ABCA13: variants seen among roughly 807,000 people sequenced by gnomAD.
The protein encoded by ABCA13 is ATP binding cassette subfamily A member 13, also known as ATP-binding cassette sub-family A member 13.
A neutral mutation model predicts 478.7 loss-of-function variants in ABCA13; 476 were observed. That is an observed-to-expected ratio of 0.99 (90% CI 0.92 to 1.07). The LOEUF is 1.07. Among genes scored for constraint, ABCA13 ranks in the 50% least tolerant of loss-of-function variants. The pLI, the probability that ABCA13 is intolerant of heterozygous loss-of-function variation, is 0.00. For missense variants in ABCA13, 6,060 were observed against 5,910.6 expected (o/e 1.03, Z -0.83); for synonymous variants, 2,252 against 2,158.9 (o/e 1.04, Z -1.20).
rs376478345 is a variant in ABCA13, at chr7:48,365,256, G to T, written c.10689-2538G>T. 2.7e-5 allele frequency among the ~76,000 whole-genome samples: 4 copies of T among 150,828 alleles called. No homozygotes were observed. The East Asian group carries it at 6.0e-4, about 23-fold the overall frequency. ...CAGATCTTTTGCCTATGTTTTAATT[G>T]GATTATGTGGGTTTCTTGCTATTGT... On this transcript the variant is annotated intron_variant, in intron 31 of 61. Transcript: ENST00000435803.
intron 24 of ABCA13, 30 bp from the exon 25 acceptor site, chr7:48,313,037 A>G (rs761863873): frequency 1.3e-6 from 2 of 1,519,650 alleles, no homozygotes; most frequent in Admixed American, 2.2e-5. Context: ...TGGTTATTTC[A>G]TGTTGTTTTG....
chr7:48,643,432 TAA>T, intron 60 of ABCA13, 39 bp downstream of exon 60: 1 of 1,400,806 alleles, frequency 7.1e-7, no homozygotes, highest in Non-Finnish European at 9.9e-7. Flanking sequence ...TGTTTTCAGC[TAA>T]AAAAAAATAA....
intron 5 of ABCA13, 99 bp downstream of exon 5, chr7:48,221,408 A>G: frequency 1.6e-6 from 1 of 621,422 alleles, no homozygotes. Flanking sequence ...GATTATTTCT[A>G]ATGACTTGTA....
At chr7:48,377,632 C>G (rs961928498) in intron 35 of ABCA13, among the ~76,000 whole-genome samples, 1 of 152,018 alleles carries the variant, frequency 6.6e-6, no homozygotes. Flanking sequence ...ATATGGCCCT[C>G]AAGAGGTAGA....
At chr7:48,181,929 C>A (rs896656585) in intron 1 of ABCA13, among the ~76,000 whole-genome samples, 10 of 152,096 alleles carry the variant, frequency 6.6e-5, no homozygotes, top group African/African-American at 2.4e-4. Context: ...TAAATGCGAA[C>A]TTGGGTTGAG....
intron 48 of ABCA13, among the ~76,000 whole-genome samples, chr7:48,490,702 G>A (rs1424900478): frequency 1.3e-5 from 2 of 152,224 alleles, no homozygotes; most frequent in Non-Finnish European, 2.9e-5. Flanking sequence ...AAAGCTGAAT[G>A]TAGAGGGATA....
intron 23 of ABCA13, among the ~76,000 whole-genome samples, chr7:48,301,249 G>A (rs1005022015): frequency 6.6e-6 from 1 of 151,962 alleles, no homozygotes; most frequent in Admixed American, 6.5e-5. Context: ...TTTTCTTTCT[G>A]TTTCTTTTGA....
intron 41 of ABCA13, among the ~76,000 whole-genome samples, chr7:48,419,743 G>C (rs543500839): frequency 1.3e-5 from 2 of 152,168 alleles, no homozygotes; most frequent in East Asian, 3.9e-4. Flanking sequence ...GCACATAATA[G>C]GTCTTAAATA....
chr7:48,372,287 C>T lies in ABCA13; in HGVS notation c.10923C>T (p.Ile3641=). The change falls in exon 33 of 62, where the codon ATC becomes ATT. Residue 3641 remains isoleucine, a synonymous_variant. Transcript: ENST00000435803. ...TLAIVLKTSG[I]FAHSNTFIVF... ...CCATCGTTCTGAAAACAAGTGGCAT[C>T]TTTGCACACAGCAATACCTTTATTG... is the stretch of plus-strand genomic sequence containing the variant. 1.9e-6 allele frequency: 3 copies of T among 1,613,944 alleles called. No individual in the cohort carries two copies. The highest frequency in any genetic ancestry group is 2.5e-6 in the Non-Finnish European group (3 of 1,179,828).
rs918096356 is a variant in ABCA13, at chr7:48,273,607, C to G, written c.3941C>G (p.Thr1314Arg). ...AATGACTTTCTTTCAAATAATCTCA[C>G]AAATTATGGAGAAAAATTTGAAAAT... The part of the protein sequence containing the change: ...SINDFLSNNL[T>R]NYGEKFENII... Residue 1314 changes from threonine (T) to arginine (R), a missense_variant, in exon 17 of 62, where the codon ACA becomes AGA. Physicochemically the swap from Thr to Arg is moderately conservative, Grantham distance 71. Coordinates refer to ENST00000435803, the MANE Select transcript of ABCA13 (RefSeq NM_152701.5). 8 of 1,596,340 alleles carry G rather than the reference C, an allele frequency of 5.0e-6. No individual in the cohort carries two copies. Among genetic ancestry groups the G allele is most frequent in the African/African-American group, 1.3e-5 (1 of 74,612 alleles).
rs377100313 is a variant in ABCA13 at position 48,274,379 on chromosome 7, T to G, written c.4713T>G (p.Ser1571=). ...IYFNILENNS[S]SKTENLLNIF... is the part of the protein sequence containing the mutation. Reference sequence around the variant, plus strand: ...TTAACATCCTGGAAAATAATTCCTCTTCTAAAACTGAAAACTTGTTAAACA... The same window carrying G: ...TTAACATCCTGGAAAATAATTCCTCGTCTAAAACTGAAAACTTGTTAAACA... The change falls in exon 17 of 62, where the codon TCT becomes TCG. Residue 1571 remains serine (S), a synonymous_variant. Transcript: ENST00000435803. 1 of 1,613,060 alleles carries G rather than the reference T, an allele frequency of 6.2e-7. No homozygotes were observed.
Position 48,274,500 on chromosome 7 carries a change from C to T in ABCA13, c.4834C>T (p.Leu1612Phe). ...SYLAFSLSHD[L>F]QNSPKIIISP... Reference sequence around the variant, plus strand: ...CCTTGCCTTCAGCTTATCTCATGACCTCCAAAATTCACCAAAAATAATAAT... The same window carrying T: ...CCTTGCCTTCAGCTTATCTCATGACTTCCAAAATTCACCAAAAATAATAAT... The change falls in exon 17 of 62, where the codon CTC becomes TTC. Residue 1612 changes from leucine to phenylalanine, a missense_variant. Physicochemically the swap from Leu to Phe is conservative, Grantham distance 22 (BLOSUM62 0). Around this residue, in one of 3 missense-constraint regions of ABCA13, gnomAD observed 4,423 missense variants for 4,309.1 expected, o/e 1.03. Coordinates refer to ENST00000435803, the MANE Select transcript of ABCA13 (RefSeq NM_152701.5). The T allele has an allele frequency of 6.2e-7, 1 of 1,613,788 alleles. No homozygotes were observed. Among genetic ancestry groups the T allele is most frequent in the Non-Finnish European group, 8.5e-7 (1 of 1,179,826 alleles).
In ABCA13 at chr7:48,185,099, C is replaced by A. The variant is rs142088633; in HGVS notation, c.70-7860C>A. On this transcript the variant is annotated intron_variant, in intron 1 of 61. Transcript: ENST00000435803. ...TTTAGAGTTTTTTATATGATGATGA[C>A]AAAGACCTAATCTATCCCTGCCTCC... is the stretch of plus-strand genomic sequence containing the variant. Among the ~76,000 whole-genome samples, 25 of 152,216 alleles carry A rather than the reference C, an allele frequency of 1.6e-4. No individual in the cohort carries two copies. In the East Asian group the frequency reaches 4.1e-3, roughly 25 times the overall value.
At chr7:48,337,674 T>C (rs964055698) in intron 28 of ABCA13, among the ~76,000 whole-genome samples, 6 of 152,212 alleles carry the variant, frequency 3.9e-5, no homozygotes, top group African/African-American at 1.4e-4. Context: ...CCTGGATACA[T>C]CAGTATCTTT....
At chr7:48,605,138 G>C (rs1017849049) in intron 58 of ABCA13, among the ~76,000 whole-genome samples, 1 of 151,932 alleles carries the variant, frequency 6.6e-6, no homozygotes, top group Non-Finnish European at 1.5e-5. Context: ...ACATGAGATG[G>C]GTCTCCTGAA....
At chr7:48,444,288 CT>C (rs979249907) in intron 42 of ABCA13, among the ~76,000 whole-genome samples, 10 of 152,180 alleles carry the variant, frequency 6.6e-5, no homozygotes, top group African/African-American at 2.4e-4. Context: ...AGCCAAACTT[CT>C]TTCTCAAGAG....
At chr7:48,526,477 G>A (rs1398603358) in intron 54 of ABCA13, among the ~76,000 whole-genome samples, 1 of 152,140 alleles carries the variant, frequency 6.6e-6, no homozygotes, top group East Asian at 1.9e-4. Context: ...AAAGTCTGTG[G>A]AAAATACAGA....
chr7:48,642,996 T>C (rs530808330), intron 59 of ABCA13, among the ~76,000 whole-genome samples: 1 of 152,310 alleles, frequency 6.6e-6, no homozygotes, highest in South Asian at 2.1e-4. Flanking sequence ...CTCAGGACTT[T>C]GCTTTCACCG....
chr7:48,560,255 G>T (rs1291272247), intron 55 of ABCA13, among the ~76,000 whole-genome samples: 3 of 152,108 alleles, frequency 2.0e-5, no homozygotes, highest in Non-Finnish European at 4.4e-5. Flanking sequence ...CCATGTGTGG[G>T]CACTGACTGA....
Sources: gnomAD v4.1 joint callset for allele counts (sites outside exome capture counted in the v4.1 genomes callset) on GRCh38, gnomAD v4.1.1 for gene constraint, gnomAD v4.1.1 regional missense constraint, MANE v1.5 for transcripts, NCBI Gene and HGNC (gene_info 2026-07-23, HGNC 2026-07-21) for gene names.